Variants in CDK5RAP3 observed in about 807,000 individuals in gnomAD.
CDK5RAP3 encodes the protein CDK5 regulatory subunit-associated protein 3.
CDK5RAP3 carries 58 observed loss-of-function variants against 73.3 expected under a neutral mutation model. The ratio of observed to expected loss-of-function variants is 0.79; its 90% CI spans 0.64 to 0.98. The LOEUF (loss-of-function observed/expected upper bound fraction) is 0.98. Among genes scored for constraint, CDK5RAP3 ranks in the 50% least tolerant of loss-of-function variants. The probability of loss-of-function intolerance (pLI) is 0.00; values close to 1 mark genes in which losing one functional copy is unlikely to be tolerated. For missense variants in CDK5RAP3, 525 were observed against 615.8 expected, an observed-to-expected ratio of 0.85 and a Z score of 1.56; for synonymous variants, 224 against 247.5, an observed-to-expected ratio of 0.91 and a Z score of 0.89.
At chr17:47,971,104 G>A (rs2036248719), upstream of CDK5RAP3, 1 of 1,551,788 alleles carries the variant, frequency 6.4e-7, no homozygotes, top group African/African-American at 1.4e-5. Context: ...TGGTAGGGCG[G>A]GGCGGGCCAC....
At chr17:47,978,092 G>A (rs575375785) in intron 10 of CDK5RAP3, 182 bp downstream of exon 10, 86 of 481,412 alleles carry the variant, frequency 1.8e-4, no homozygotes, top group East Asian at 4.9e-4. Context: ...TTTTGGAGAC[G>A]GAGTTTCGCT....
intron 8 of CDK5RAP3, chr17:47,976,448 C>T (rs1410324937): frequency 2.5e-6 from 1 of 400,364 alleles, no homozygotes; most frequent in African/African-American, 2.1e-5. Flanking sequence ...CAACCTCTGC[C>T]TCTCAGCCTC....
At position 47,978,827 on chromosome 17, in the gene CDK5RAP3, A is replaced by C. The variant is rs1236363416; in HGVS notation, c.989-2A>C. On this transcript the variant is annotated splice_acceptor_variant, in intron 10 of 13. Coordinates refer to ENST00000338399, the MANE Select transcript of CDK5RAP3 (RefSeq NM_176096.3). LOFTEE classifies it high-confidence loss of function. ...TATCACTTCTCTGTCTCTTCCTGGCAGCTCCAGAAGGTGTTGCCAGGGGCC... is the reference window on the plus strand; with the variant it reads ...TATCACTTCTCTGTCTCTTCCTGGCCGCTCCAGAAGGTGTTGCCAGGGGCC... 6.2e-7 allele frequency: 1 copy of C among 1,612,602 alleles called. No homozygotes were observed. The highest frequency in any genetic ancestry group is 8.5e-7 in the Non-Finnish European group (1 of 1,178,892).
intron 11 of CDK5RAP3, chr17:47,979,185 A>G (rs554115857): frequency 5.0e-6 from 2 of 397,736 alleles, no homozygotes; most frequent in African/African-American, 2.0e-5. Flanking sequence ...TTATATTCTA[A>G]TGGGGAATGC....
At chr17:47,977,435 A>C (rs1457601117) in intron 9 of CDK5RAP3, among the ~76,000 whole-genome samples, 1 of 152,180 alleles carries the variant, frequency 6.6e-6, no homozygotes, top group Non-Finnish European at 1.5e-5. Context: ...GGCGTGAGCC[A>C]CCGCGCCCGG....
In CDK5RAP3 at chr17:47,971,374, G is replaced by T; in HGVS notation, c.19G>T (p.Val7Leu). 1 of 1,610,492 alleles carries T rather than the reference G, an allele frequency of 6.2e-7. No homozygotes were observed. The highest frequency in any genetic ancestry group is 8.5e-7 in the Non-Finnish European group (1 of 1,178,604). MEDHQH[V>L]PIDIQTSKLL... Reference sequence around the variant, plus strand: ...TGTTTCCCGCCAGGACCATCAGCACGTGCCCATCGACATCCAGACCAGCAA... The same window carrying T: ...TGTTTCCCGCCAGGACCATCAGCACTTGCCCATCGACATCCAGACCAGCAA... Residue 7 changes from valine (V) to leucine (L), a missense_variant, in exon 2 of 14, where the codon GTG becomes TTG. This residue lies in a region of CDK5RAP3 where 409 missense variants were observed against 429.8 expected (regional missense o/e 0.95). Transcript: ENST00000338399.
At chr17:47,975,493 C>T (rs1218730182) in intron 6 of CDK5RAP3, 21 bp from the exon 7 acceptor site, 9 of 1,609,974 alleles carry the variant, frequency 5.6e-6, no homozygotes, top group South Asian at 1.1e-5. Context: ...TGTTGGACTC[C>T]ACCTCTTCTC....
chr17:47,979,062 T>G (rs1223336598), intron 11 of CDK5RAP3, 145 bp downstream of exon 11: 2 of 645,334 alleles, frequency 3.1e-6, no homozygotes, highest in African/African-American at 1.8e-5. Context: ...ACGTATTAGA[T>G]GCCTCCTATT....
chr17:47,974,415 A>G lies in CDK5RAP3; in HGVS notation c.301A>G (p.Ile101Val). ...TCTTACTCAGGATTGGCAGGAGATT[A>G]TAGCTCTGTATGAGAAGGACAACAC... ...SQRMKDWQEI[I>V]ALYEKDNTYL... Residue 101 changes from isoleucine (I) to valine (V), a missense_variant, in exon 5 of 14, where the codon ATA (isoleucine) becomes GTA (valine). Around this residue, in one of 2 missense-constraint regions of CDK5RAP3, gnomAD observed 409 missense variants for 429.8 expected, o/e 0.95. Transcript: ENST00000338399. 1 of 1,614,090 alleles carries G rather than the reference A, an allele frequency of 6.2e-7. No individual in the cohort carries two copies. The highest frequency in any genetic ancestry group is 8.5e-7 in the Non-Finnish European group (1 of 1,179,938).
intron 9 of CDK5RAP3, among the ~76,000 whole-genome samples, 191 bp downstream of exon 9, chr17:47,977,013 G>A (rs1246897797): frequency 3.9e-5 from 6 of 152,108 alleles, no homozygotes; most frequent in African/African-American, 7.2e-5. Context: ...TCATTCTGTC[G>A]CCCAGGCTGG....
intron 3 of CDK5RAP3, 48 bp downstream of exon 3, chr17:47,973,698 T>G: frequency 6.2e-7 from 1 of 1,604,114 alleles, no homozygotes; most frequent in Non-Finnish European, 8.5e-7. Context: ...GCTGAGGTAG[T>G]ATGTATCAGC....
intron 10 of CDK5RAP3, 175 bp downstream of exon 10, chr17:47,978,085 T>TTG (rs2036460589): frequency 1.8e-6 from 1 of 540,730 alleles, no homozygotes; most frequent in Non-Finnish European, 3.2e-6. Flanking sequence ...TTTTTTTTTT[T>TTG]GGAGACGGAG....
rs768127248 is a variant in CDK5RAP3, at chr17:47,974,414, T to G, written c.300T>G (p.Ile100Met). Residue 100 changes from isoleucine to methionine, a missense_variant, in exon 5 of 14, where the codon ATT becomes ATG. Ile to Met is a conservative substitution (Grantham distance 10, BLOSUM62 1). This residue lies in a region of CDK5RAP3 where 409 missense variants were observed against 429.8 expected (regional missense o/e 0.95). Coordinates refer to ENST00000338399, the MANE Select transcript of CDK5RAP3 (RefSeq NM_176096.3). ...TTCTTACTCAGGATTGGCAGGAGAT[T>G]ATAGCTCTGTATGAGAAGGACAACA... ...SSQRMKDWQE[I>M]IALYEKDNTY... The G allele has an allele frequency of 1.2e-6, 2 of 1,614,118 alleles. No homozygotes were observed. The highest frequency in any genetic ancestry group is 2.2e-5 in the East Asian group (1 of 44,888).
At position 47,971,362 on chromosome 17, in the gene CDK5RAP3, G is replaced by A; in HGVS notation, c.7G>A (p.Asp3Asn). 1.2e-6 allele frequency: 2 copies of A among 1,610,670 alleles called. No homozygotes were observed. Among genetic ancestry groups the A allele is most frequent in the Non-Finnish European group, 1.7e-6 (2 of 1,178,662 alleles). Residue 3 changes from aspartate to asparagine, a missense_variant and splice_region_variant, in exon 2 of 14, where the codon GAC becomes AAC. Asp to Asn is a conservative substitution (Grantham distance 23). Around this residue, in one of 2 missense-constraint regions of CDK5RAP3, gnomAD observed 409 missense variants for 429.8 expected, o/e 0.95. Transcript: ENST00000338399. The part of the protein sequence containing the change: ME[D>N]HQHVPIDIQT... ...CCCTCCTCACCGTGTTTCCCGCCAGGACCATCAGCACGTGCCCATCGACAT... is the reference window on the plus strand; with the variant it reads ...CCCTCCTCACCGTGTTTCCCGCCAGAACCATCAGCACGTGCCCATCGACAT...
At position 47,975,205 on chromosome 17, in the gene CDK5RAP3, C is replaced by G. The variant is rs528069332; in HGVS notation, c.381C>G (p.Pro127=). The part of the protein sequence containing the change: ...LLVRNVNYEI[P]SLKKQIAKCQ... Reference sequence around the variant, plus strand: ...TTCGGAATGTCAACTATGAGATCCCCTCACTGAAGAAGCAGATTGCCAAGT... The same window carrying G: ...TTCGGAATGTCAACTATGAGATCCCGTCACTGAAGAAGCAGATTGCCAAGT... Residue 127 remains proline, a synonymous_variant, in exon 6 of 14, where the codon CCC becomes CCG. Coordinates refer to ENST00000338399, the MANE Select transcript of CDK5RAP3 (RefSeq NM_176096.3). 1 of 1,614,182 alleles carries G rather than the reference C, an allele frequency of 6.2e-7. No individual in the cohort carries two copies. Among genetic ancestry groups the G allele is most frequent in the Non-Finnish European group, 8.5e-7 (1 of 1,180,032 alleles).
At chr17:47,977,306 G>A (rs1350695763) in intron 9 of CDK5RAP3, among the ~76,000 whole-genome samples, 1 of 152,074 alleles carries the variant, frequency 6.6e-6, no homozygotes, top group Admixed American at 6.5e-5. Flanking sequence ...CCGCCACCAC[G>A]CCCGGCTAAT....
Position 47,971,463 on chromosome 17 carries a change from C to T in CDK5RAP3, c.52+56C>T, listed in dbSNP as rs2036265393. On this transcript the variant is annotated intron_variant, in intron 2 of 13. Transcript: ENST00000338399. Reference sequence around the variant, plus strand: ...GTCGGGGGGAGGCCTGTGCGTTGCCCCCTGTGTCCAATAGCCGGGAGCTCT... The same window carrying T: ...GTCGGGGGGAGGCCTGTGCGTTGCCTCCTGTGTCCAATAGCCGGGAGCTCT... 6 of 1,492,746 alleles carry T rather than the reference C, an allele frequency of 4.0e-6. No homozygotes were observed. In the Admixed American group the frequency reaches 1.1e-4, roughly 27 times the overall value. The allele number at this position is 1,492,746 out of a possible 1,614,324, so 92.5% of individuals were successfully genotyped here. A position where few individuals can be genotyped will look rare whatever the true frequency, so the allele number is the denominator to read the frequency against.
At chr17:47,973,302 A>G (rs1203342824) in intron 2 of CDK5RAP3, among the ~76,000 whole-genome samples, 3 of 152,232 alleles carry the variant, frequency 2.0e-5, no homozygotes, top group African/African-American at 4.8e-5. Flanking sequence ...CAATTGCTCT[A>G]TAAAAATCAC....
chr17:47,978,164 G>C, intron 10 of CDK5RAP3: 1 of 329,838 alleles, frequency 3.0e-6, no homozygotes, highest in Non-Finnish European at 5.6e-6. Context: ...CCACCTCCTG[G>C]GTTCAAGCTA....
Sources: allele counts gnomAD v4.1 joint callset (sites outside exome capture counted in the v4.1 genomes callset), GRCh38; gene constraint gnomAD v4.1.1; regional missense constraint gnomAD v4.1.1; transcripts MANE v1.5; gene names NCBI Gene and HGNC (gene_info 2026-07-23, HGNC 2026-07-21).